The following DYNC1H1 variants were observed in gnomAD, a reference collection of about 807,000 sequenced individuals.
DYNC1H1 encodes cytoplasmic dynein 1 heavy chain 1.
Under a neutral mutation model 527.1 loss-of-function variants are expected in DYNC1H1, and 51 were observed. That is an observed-to-expected ratio of 0.10 (90% CI 0.08 to 0.12). DYNC1H1 has a LOEUF of 0.12. Among genes scored for constraint, DYNC1H1 ranks in the 10% least tolerant of loss-of-function variants. The probability of loss-of-function intolerance (pLI) is 1.00; values close to 1 mark genes in which losing one functional copy is unlikely to be tolerated. For synonymous variants in DYNC1H1, 2,189 were observed against 2,278.8 expected (o/e 0.96, Z 1.12); for missense variants, 2,771 against 5,971.8 (o/e 0.46, Z 17.66).
Position 102,036,404 on chromosome 14 carries a change from T to A in DYNC1H1, c.10755-85T>A. The A allele has an allele frequency of 6.4e-7, 1 of 1,574,800 alleles. No individual in the cohort carries two copies. Among genetic ancestry groups the A allele is most frequent in the Non-Finnish European group, 8.7e-7 (1 of 1,148,738 alleles). ...GGTGGTAACAGCCTATCAATCAGGG[T>A]CTCTCATCAGGGACTCGGCTAACCG... On this transcript the variant is annotated intron_variant, in intron 56 of 77. Coordinates refer to ENST00000360184, the MANE Select transcript of DYNC1H1 (RefSeq NM_001376.5). The surrounding 1 kb of genome is among the most constrained non-coding windows in gnomAD (Gnocchi z 5.6).
In DYNC1H1 at chr14:102,042,615, G is replaced by A; in HGVS notation, c.12400-20G>A. The A allele has an allele frequency of 2.5e-6, 4 of 1,614,116 alleles. No individual in the cohort carries two copies. Among genetic ancestry groups the A allele is most frequent in the Non-Finnish European group, 3.4e-6 (4 of 1,180,016 alleles). Reference sequence around the variant, plus strand: ...CCCTCATCCACACCCGAGCATAACTGGAACGGCGCTCTCCCTTAGGTGCCT... The same window carrying A: ...CCCTCATCCACACCCGAGCATAACTAGAACGGCGCTCTCCCTTAGGTGCCT... On this transcript the variant is annotated intron_variant, in intron 68 of 77. Coordinates refer to ENST00000360184, the MANE Select transcript of DYNC1H1 (RefSeq NM_001376.5). The surrounding 1 kb of genome is among the most constrained non-coding windows in gnomAD (Gnocchi z 5.7).
Position 101,985,768 on chromosome 14 carries a change from G to T in DYNC1H1, c.1543G>T (p.Ala515Ser). The T allele has an allele frequency of 6.2e-7, 1 of 1,614,202 alleles. No individual in the cohort carries two copies. The highest frequency in any genetic ancestry group is 8.5e-7 in the Non-Finnish European group (1 of 1,180,030). The change falls in exon 8 of 78, where the codon GCA becomes TCA. Residue 515 changes from alanine to serine, a missense_variant. By Grantham distance (99) the Ala-to-Ser change is moderately conservative (BLOSUM62 1). Coordinates refer to ENST00000360184, the MANE Select transcript of DYNC1H1 (RefSeq NM_001376.5). The surrounding 1 kb of genome is among the most constrained non-coding windows in gnomAD (Gnocchi z 5.9). ...AGTGGCTGAGGTTCTCTTTGATGCT[G>T]CAGATGCAAATGCCATTGAGGAAGT... ...MKVAEVLFDAADANAIEEVNL... is the reference protein window; with the variant it reads ...MKVAEVLFDASDANAIEEVNL...
intron 72 of DYNC1H1, 180 bp from the exon 73 acceptor site, chr14:102,047,637 G>GTACATATATATA: frequency 2.5e-6 from 1 of 392,628 alleles, no homozygotes; most frequent in Admixed American, 4.1e-5. Context: ...GTGTGTGTGT[G>GTACATATATATA]TGTGTATATA....
rs1369639707 is a variant in DYNC1H1, at chr14:102,011,105, A to C, written c.6618+153A>C. ...TGAAGATTTGCCCAAGGCCTATTTG[A>C]ATTTTTGTTGTTGTTGTTTAAATGA... On this transcript the variant is annotated intron_variant, in intron 32 of 77. Coordinates refer to ENST00000360184, the MANE Select transcript of DYNC1H1 (RefSeq NM_001376.5). This position sits in a 1 kb window ranked among gnomAD's most constrained non-coding sequence, Gnocchi z 5.3. 5 of 823,338 alleles carry C rather than the reference A, an allele frequency of 6.1e-6. No homozygotes were observed. Among genetic ancestry groups the C allele is most frequent in the African/African-American group, 1.7e-5 (1 of 59,182 alleles). 51.0% of individuals were successfully genotyped at this position (823,338 alleles called of 1,614,324 possible). A position where few individuals can be genotyped will look rare whatever the true frequency, so the allele number is the denominator to read the frequency against.
intron 29 of DYNC1H1, chr14:102,009,526 T>A: frequency 6.6e-6 from 2 of 302,378 alleles, no homozygotes; most frequent in Non-Finnish European, 1.3e-5. Context: ...TTTTGCACAA[T>A]TTGTTGGACT....
intron 5 of DYNC1H1, among the ~76,000 whole-genome samples, chr14:101,982,056 A>G (rs2047872383): frequency 6.6e-6 from 1 of 152,204 alleles, no homozygotes; most frequent in Admixed American, 6.5e-5. Flanking sequence ...GCGGCGAGTG[A>G]GCATTACTGC....
chr14:102,034,403 G>T lies in DYNC1H1; in HGVS notation c.10705G>T (p.Ala3569Ser). ...RLRWQASSLP[A>S]DDLCTENAIM... is the part of the protein sequence containing the mutation. Reference sequence around the variant, plus strand: ...TCGCTGGCAGGCCAGCTCCTTGCCTGCTGATGACCTTTGCACAGAAAATGC... The same window carrying T: ...TCGCTGGCAGGCCAGCTCCTTGCCTTCTGATGACCTTTGCACAGAAAATGC... The change falls in exon 56 of 78, where the codon GCT (alanine) becomes TCT (serine). Residue 3569 changes from alanine (A) to serine (S), a missense_variant. By Grantham distance (99) the Ala-to-Ser change is moderately conservative. Around this residue, in one of 32 missense-constraint regions of DYNC1H1, gnomAD observed 283 missense variants for 737.6 expected, o/e 0.38. Coordinates refer to ENST00000360184, the MANE Select transcript of DYNC1H1 (RefSeq NM_001376.5). The T allele has an allele frequency of 6.2e-7, 1 of 1,613,794 alleles. No individual in the cohort carries two copies. The highest frequency in any genetic ancestry group is 8.5e-7 in the Non-Finnish European group (1 of 1,180,056).
In DYNC1H1 at chr14:102,044,770, G is replaced by T. The variant is rs2048695855; in HGVS notation, c.13006+72G>T. ...CCCCTCACGCGGGGTGGGTGGCGAG[G>T]GTCCCCACACGCAGGGTGAGTGTGC... On this transcript the variant is annotated intron_variant, in intron 72 of 77. Transcript: ENST00000360184. This position sits in a 1 kb window ranked among gnomAD's most constrained non-coding sequence, Gnocchi z 7.1. 1 of 1,469,538 alleles carries T rather than the reference G, an allele frequency of 6.8e-7. No homozygotes were observed. Among genetic ancestry groups the T allele is most frequent in the African/African-American group, 1.4e-5 (1 of 71,452 alleles). 91.0% of individuals were successfully genotyped at this position (1,469,538 alleles called of 1,614,324 possible).
At chr14:102,021,935 TA>T (rs1229527924) in intron 42 of DYNC1H1, among the ~76,000 whole-genome samples, 5 of 152,108 alleles carry the variant, frequency 3.3e-5, no homozygotes, top group Non-Finnish European at 7.4e-5. Context: ...GTGCTGGGAT[TA>T]CAGCTTGAGA....
At position 101,991,812 on chromosome 14, in the gene DYNC1H1, GA is replaced by G. The variant is rs2048001846; in HGVS notation, c.3015+140del. The G allele has an allele frequency of 1.2e-5, 16 of 1,280,712 alleles. No individual in the cohort carries two copies. In the South Asian group the frequency reaches 1.9e-4, roughly 15 times the overall value. 79.3% of individuals were successfully genotyped at this position (1,280,712 alleles called of 1,614,324 possible). On this transcript the variant is annotated intron_variant, in intron 11 of 77. Coordinates refer to ENST00000360184, the MANE Select transcript of DYNC1H1 (RefSeq NM_001376.5). ...CCAGACATCCCAGGGGAAAGTTAGG[GA>G]GGCTTTTTGTGCCCTGACCTTTTTT...
chr14:102,033,002 T>G lies in DYNC1H1; in HGVS notation c.10080-63T>G. ...GGCTCTGGTCTCTTCCATTTTAATTTTATGAAAACTCTTCCTTGCTTTTGT... is the reference window on the plus strand; with the variant it reads ...GGCTCTGGTCTCTTCCATTTTAATTGTATGAAAACTCTTCCTTGCTTTTGT... On this transcript the variant is annotated intron_variant, in intron 52 of 77. Coordinates refer to ENST00000360184, the MANE Select transcript of DYNC1H1 (RefSeq NM_001376.5). This position sits in a 1 kb window ranked among gnomAD's most constrained non-coding sequence, Gnocchi z 5.6. 1 of 1,545,910 alleles carries G rather than the reference T, an allele frequency of 6.5e-7. No individual in the cohort carries two copies. The highest frequency in any genetic ancestry group is 1.1e-5 in the South Asian group (1 of 89,328).
chr14:101,975,085 A>G (rs2141266277), intron 1 of DYNC1H1, among the ~76,000 whole-genome samples: 1 of 152,316 alleles, frequency 6.6e-6, no homozygotes, highest in East Asian at 1.9e-4. Flanking sequence ...AAAACTGGCC[A>G]TGCTACATTG....
At position 101,983,085 on chromosome 14, in the gene DYNC1H1, AT is replaced by A; in HGVS notation, c.1031del (p.Leu344CysfsTer10). On this transcript the variant is annotated frameshift_variant, in exon 6 of 78. Transcript: ENST00000360184. LOFTEE classifies it high-confidence loss of function. The surrounding 1 kb of genome is among the most constrained non-coding windows in gnomAD (Gnocchi z 5.3). ...CTGATGAAAGATTTCCCTCTGAATG[AT>A]TTGCTGTCTGCCACGGAGCTGGACA... ...NPLMKDFPLN[D>X]LLSATELDKI... The A allele has an allele frequency of 6.2e-7, 1 of 1,614,216 alleles. No homozygotes were observed. The highest frequency in any genetic ancestry group is 8.5e-7 in the Non-Finnish European group (1 of 1,180,036).
At position 102,039,839 on chromosome 14, in the gene DYNC1H1, TCTTTA is replaced by T. The variant is rs748380341; in HGVS notation, c.11690+108_11690+112del. 50 of 966,376 alleles carry T rather than the reference TCTTTA, an allele frequency of 5.2e-5. 1 individual carries two copies. The East Asian group carries it at 5.4e-4, about 11-fold the overall frequency. 59.9% of individuals were successfully genotyped at this position (966,376 alleles called of 1,614,324 possible). On this transcript the variant is annotated intron_variant, in intron 62 of 77. Transcript: ENST00000360184. The surrounding 1 kb of genome is among the most constrained non-coding windows in gnomAD (Gnocchi z 7.0). ...ATTTCTTTTATTTTCTCTTTTATTT[TCTTTA>T]TTTTATTTTTTGAGACGGAGTCTCC...
intron 11 of DYNC1H1, among the ~76,000 whole-genome samples, chr14:101,993,641 C>T (rs1178483271): frequency 6.6e-6 from 1 of 151,942 alleles, no homozygotes; most frequent in Non-Finnish European, 1.5e-5. Context: ...CACAACTTAC[C>T]CCTCTCCTCC....
chr14:101,980,843 C>T (rs906025650), intron 5 of DYNC1H1, among the ~76,000 whole-genome samples: 2 of 152,206 alleles, frequency 1.3e-5, no homozygotes, highest in South Asian at 4.1e-4. Flanking sequence ...GAGTCATCTC[C>T]ACGAGTCGGC....
Position 102,002,621 on chromosome 14 carries a change from C to T in DYNC1H1, c.4627C>T (p.Arg1543Trp), listed in dbSNP as rs1312121057. The change falls in exon 22 of 78, where the codon CGG becomes TGG. Residue 1543 changes from arginine to tryptophan, a missense_variant. Physicochemically the swap from Arg to Trp is moderately radical, Grantham distance 101 (BLOSUM62 -3). This residue lies in a region of DYNC1H1 where 51 missense variants were observed against 189.2 expected (regional missense o/e 0.27). Transcript: ENST00000360184. The surrounding 1 kb of genome is among the most constrained non-coding windows in gnomAD (Gnocchi z 4.4). ...TGATGTGTGGATTGATGTGCAGAGGCGGTGGGTCTACCTGGAAGGTATCTT... is the reference window on the plus strand; with the variant it reads ...TGATGTGTGGATTGATGTGCAGAGGTGGTGGGTCTACCTGGAAGGTATCTT... ...LFDVWIDVQRRWVYLEGIFTG... is the reference protein window; with the variant it reads ...LFDVWIDVQRWWVYLEGIFTG... The T allele has an allele frequency of 3.7e-6, 6 of 1,613,994 alleles. No homozygotes were observed. Among genetic ancestry groups the T allele is most frequent in the Non-Finnish European group, 3.4e-6 (4 of 1,180,022 alleles).
intron 74 of DYNC1H1, 157 bp downstream of exon 74, chr14:102,048,826 A>AGGGGGGT: frequency 7.1e-6 from 1 of 140,004 alleles, no homozygotes; most frequent in Non-Finnish European, 1.4e-5. Context: ...GGGCGGGGGG[A>AGGGGGGT]GGGGAGGAGC....
At chr14:102,045,805 A>C (rs1411749037) in intron 72 of DYNC1H1, among the ~76,000 whole-genome samples, 1 of 152,046 alleles carries the variant, frequency 6.6e-6, no homozygotes, top group East Asian at 1.9e-4. Flanking sequence ...AAATTCTCTA[A>C]GCCAGTGGCT....
Sources: allele counts gnomAD v4.1 joint callset (sites outside exome capture counted in the v4.1 genomes callset), GRCh38; gene constraint gnomAD v4.1.1; regional missense constraint gnomAD v4.1.1; non-coding constraint Gnocchi (gnomAD v3.1); transcripts MANE v1.5; gene names NCBI Gene and HGNC (gene_info 2026-07-23, HGNC 2026-07-21).